FSTL5: variants seen among roughly 807,000 people sequenced by gnomAD.
FSTL5 encodes follistatin-related protein 5.
FSTL5 carries 62 observed loss-of-function variants against 89.1 expected under a neutral mutation model. That is an observed-to-expected ratio of 0.70 (90% CI 0.57 to 0.86). The LOEUF (loss-of-function observed/expected upper bound fraction) is 0.86, where lower values mean the gene tolerates loss of function less well. Ranked by LOEUF, FSTL5 falls within the 40% of genes least tolerant of loss-of-function variation. The probability of loss-of-function intolerance (pLI) is 0.00; values close to 1 mark genes in which losing one functional copy is unlikely to be tolerated. For missense variants in FSTL5, 1,057 were observed against 1,001.6 expected (o/e 1.06, Z -0.75); for synonymous variants, 383 against 346.2 (o/e 1.11, Z -1.18).
At chr4:162,015,841 A>C (rs1736901968) in intron 3 of FSTL5, among the ~76,000 whole-genome samples, 1 of 152,164 alleles carries the variant, frequency 6.6e-6, no homozygotes, top group South Asian at 2.1e-4. Flanking sequence ...TCTGGTTTAA[A>C]GGAAAGTTTA....
intron 13 of FSTL5, among the ~76,000 whole-genome samples, chr4:161,466,557 G>A (rs1191178100): frequency 1.3e-5 from 2 of 152,074 alleles, no homozygotes; most frequent in East Asian, 3.9e-4. Context: ...TAATACTTAA[G>A]AGTACTCCCG....
intron 12 of FSTL5, among the ~76,000 whole-genome samples, chr4:161,494,554 CG>C (rs1378504769): frequency 6.6e-6 from 1 of 152,074 alleles, no homozygotes; most frequent in African/African-American, 2.4e-5. Flanking sequence ...TTTCTTGAAA[CG>C]TAAGTATTCT....
chr4:161,725,920 T>C (rs1408173466), intron 6 of FSTL5, among the ~76,000 whole-genome samples: 1 of 152,076 alleles, frequency 6.6e-6, no homozygotes, highest in Admixed American at 6.5e-5. Flanking sequence ...CGATGAAAGG[T>C]TTTTGCCACT....
At chr4:162,034,733 C>A (rs1199741038) in intron 2 of FSTL5, among the ~76,000 whole-genome samples, 2 of 151,990 alleles carry the variant, frequency 1.3e-5, no homozygotes, top group Non-Finnish European at 2.9e-5. Context: ...TGTATGAATG[C>A]CAATATATTT....
chr4:161,979,267 CAT>C (rs1308318351), intron 3 of FSTL5, among the ~76,000 whole-genome samples: 4 of 152,082 alleles, frequency 2.6e-5, no homozygotes, highest in African/African-American at 7.2e-5. Context: ...GAATCAGAAA[CAT>C]GTGGCATAGA....
At chr4:161,705,275 T>C (rs924973123) in intron 6 of FSTL5, among the ~76,000 whole-genome samples, 6 of 152,046 alleles carry the variant, frequency 3.9e-5, no homozygotes, top group African/African-American at 1.2e-4. Flanking sequence ...TAAATAAACG[T>C]TAAAATGGAC....
chr4:161,929,689 G>A (rs201705560), intron 3 of FSTL5, among the ~76,000 whole-genome samples: 7 of 121,524 alleles, frequency 5.8e-5, no homozygotes, highest in South Asian at 2.7e-4. Flanking sequence ...GTGTGTGTGT[G>A]TGTGTGTGTG....
Position 161,776,549 on chromosome 4 carries a change from GTATGTATA to G in FSTL5, c.410-483_410-476del, listed in dbSNP as rs555670483. 8.5e-3 allele frequency among the ~76,000 whole-genome samples: 868 copies of G among 101,634 alleles called. 6 individuals carry two copies. The highest frequency in any genetic ancestry group is 0.075 in the African/African-American group (830 of 11,020). The allele number at this position is 101,634 out of a possible 152,430, so 66.7% of individuals were successfully genotyped here. On this transcript the variant is annotated intron_variant, in intron 4 of 15. Transcript: ENST00000306100. ...TATGTACGTATATGCATACATATAC[GTATGTATA>G]TATGTATATATACATATGAGATTCC...
intron 12 of FSTL5, 135 bp downstream of exon 12, chr4:161,499,881 C>T (rs1223046061): frequency 3.2e-6 from 2 of 624,866 alleles, no homozygotes; most frequent in South Asian, 3.7e-5. Context: ...AAGAATAACA[C>T]CGAATATCAT....
chr4:161,393,007 T>C (rs1730872667), intron 15 of FSTL5, among the ~76,000 whole-genome samples: 1 of 151,816 alleles, frequency 6.6e-6, no homozygotes, highest in African/African-American at 2.4e-5. Flanking sequence ...CTATTAAATA[T>C]ACAAAAATTA....
intron 8 of FSTL5, among the ~76,000 whole-genome samples, chr4:161,581,939 T>A (rs1333959269): frequency 1.3e-5 from 2 of 152,228 alleles, no homozygotes; most frequent in Non-Finnish European, 2.9e-5. Context: ...AAAGACGATT[T>A]GCTTTATGTA....
intron 6 of FSTL5, among the ~76,000 whole-genome samples, chr4:161,661,265 CTA>C (rs1579002614): frequency 6.6e-6 from 1 of 152,228 alleles, no homozygotes; most frequent in East Asian, 1.9e-4. Context: ...ATGTTTCTAA[CTA>C]TAGACTTACG....
chr4:161,766,005 G>A (rs1373955442), intron 5 of FSTL5, among the ~76,000 whole-genome samples: 1 of 151,992 alleles, frequency 6.6e-6, no homozygotes, highest in Admixed American at 6.6e-5. Context: ...ATCTTGGCCA[G>A]GCCGGTCCCG....
At chr4:161,921,278 C>T (rs1161283836) in intron 3 of FSTL5, among the ~76,000 whole-genome samples, 1 of 152,244 alleles carries the variant, frequency 6.6e-6, no homozygotes, top group East Asian at 1.9e-4. Flanking sequence ...CTGACAATCA[C>T]TGATGCATAT....
intron 6 of FSTL5, chr4:161,664,883 G>A (rs1179922440): frequency 2.1e-5 from 4 of 190,632 alleles, no homozygotes; most frequent in Admixed American, 5.9e-5. Flanking sequence ...ACATGGCAGC[G>A]CAAGAGAAAA....
At chr4:162,052,907 A>G (rs1443955197) in intron 2 of FSTL5, among the ~76,000 whole-genome samples, 1 of 151,822 alleles carries the variant, frequency 6.6e-6, no homozygotes, top group African/African-American at 2.4e-5. Context: ...AAAAGCACAC[A>G]CACAGAACAA....
chr4:161,459,586 A>G (rs1733489710), intron 13 of FSTL5, among the ~76,000 whole-genome samples: 1 of 152,100 alleles, frequency 6.6e-6, no homozygotes, highest in Non-Finnish European at 1.5e-5. Context: ...TATTTTGTTT[A>G]TCATTTGCAC....
At chr4:161,531,071 A>C (rs1259130810) in intron 10 of FSTL5, among the ~76,000 whole-genome samples, 1 of 152,074 alleles carries the variant, frequency 6.6e-6, no homozygotes, top group Non-Finnish European at 1.5e-5. Flanking sequence ...CCTGTATGTC[A>C]CTCTATTAAA....
intron 2 of FSTL5, among the ~76,000 whole-genome samples, chr4:162,109,749 T>C (rs1463674441): frequency 6.6e-6 from 1 of 152,046 alleles, no homozygotes; most frequent in Non-Finnish European, 1.5e-5. Context: ...TTTTCTGCCG[T>C]TGATTTAATT....
Sources: gnomAD v4.1 joint callset for allele counts (sites outside exome capture counted in the v4.1 genomes callset) on GRCh38, gnomAD v4.1.1 for gene constraint, MANE v1.5 for transcripts, NCBI Gene and HGNC (gene_info 2026-07-23, HGNC 2026-07-21) for gene names.